WWOX: variants seen among roughly 807,000 people sequenced by gnomAD.
WWOX encodes the protein WW domain-containing oxidoreductase.
A neutral mutation model predicts 46.2 loss-of-function variants in WWOX; 69 were observed. The observed-to-expected ratio is 1.49, with a 90% CI of 1.23 to 1.82. WWOX has a LOEUF of 1.82. Ranked by LOEUF, WWOX falls within the 40% of genes most tolerant of loss-of-function variation. The pLI, the probability that WWOX is intolerant of heterozygous loss-of-function variation, is 0.00. For missense variants in WWOX, 919 were observed against 542.6 expected, an observed-to-expected ratio of 1.69 and a Z score of -6.89; for synonymous variants, 359 against 202.6, an observed-to-expected ratio of 1.77 and a Z score of -6.56.
At chr16:78,493,303 C>A (rs1567604654) in intron 8 of WWOX, among the ~76,000 whole-genome samples, 1 of 152,110 alleles carries the variant, frequency 6.6e-6, no homozygotes, top group Non-Finnish European at 1.5e-5. Context: ...AGACAGGTGG[C>A]TAGCATTATT....
chr16:78,555,481 G>GACT (rs1433200348), intron 8 of WWOX, among the ~76,000 whole-genome samples: 3 of 151,778 alleles, frequency 2.0e-5, no homozygotes, highest in Non-Finnish European at 4.4e-5. Flanking sequence ...GTATTCTTCT[G>GACT]ACTAATGGGG....
chr16:78,384,487 C>T (rs2082020422), intron 5 of WWOX, among the ~76,000 whole-genome samples: 1 of 152,162 alleles, frequency 6.6e-6, no homozygotes, highest in Admixed American at 6.5e-5. Context: ...GAGGGTTCTG[C>T]TCCTCATCTG....
At chr16:79,012,709 C>T (rs1031941783) in intron 8 of WWOX, among the ~76,000 whole-genome samples, 2 of 152,172 alleles carry the variant, frequency 1.3e-5, no homozygotes, top group Non-Finnish European at 2.9e-5. Context: ...GCTGGAAGTT[C>T]CACAAAGCAG....
At chr16:78,839,643 A>T (rs1444859170) in intron 8 of WWOX, among the ~76,000 whole-genome samples, 1 of 152,038 alleles carries the variant, frequency 6.6e-6, no homozygotes, top group Non-Finnish European at 1.5e-5. Context: ...CCAGGTTCTC[A>T]CTGTTATGGA....
chr16:78,425,189 T>A, intron 7 of WWOX, 134 bp downstream of exon 7: 2 of 1,219,956 alleles, frequency 1.6e-6, no homozygotes, highest in Non-Finnish European at 1.2e-6. Context: ...TTGGCTCACT[T>A]AATTTTTCCA....
chr16:79,163,839 G>C (rs2150754932), intron 8 of WWOX, among the ~76,000 whole-genome samples: 1 of 142,580 alleles, frequency 7.0e-6, no homozygotes, highest in South Asian at 2.4e-4. Context: ...TAAGGTCAGA[G>C]GGGGAAAAGA....
rs1310289043 is a variant in WWOX at position 78,559,055 on chromosome 16, G to C, written c.1056+126303G>C. Reference sequence around the variant, plus strand: ...CACAAGATCTGGCCGCTACGTGGAAGGACACATAGTTCCGTCTGGCTTGGA... The same window carrying C: ...CACAAGATCTGGCCGCTACGTGGAACGACACATAGTTCCGTCTGGCTTGGA... On this transcript the variant is annotated intron_variant, in intron 8 of 8. Coordinates refer to ENST00000566780, the MANE Select transcript of WWOX (RefSeq NM_016373.4). 7.2e-5 allele frequency among the ~76,000 whole-genome samples: 11 copies of C among 152,330 alleles called. No individual in the cohort carries two copies. In the East Asian group the frequency reaches 2.1e-3, roughly 29 times the overall value.
At chr16:78,796,218 A>C (rs988570297) in intron 8 of WWOX, among the ~76,000 whole-genome samples, 2 of 152,168 alleles carry the variant, frequency 1.3e-5, no homozygotes, top group African/African-American at 2.4e-5. Flanking sequence ...CTGAAGTAAC[A>C]ATTAGTATAG....
rs191001943 is a variant in WWOX at position 78,567,222 on chromosome 16, T to C, written c.1056+134470T>C. ...GACGCTTTCCCAAAGCTGAGCTGCC[T>C]GCCAGGGTCTTTGCTCTTCCACTGC... On this transcript the variant is annotated intron_variant, in intron 8 of 8. Transcript: ENST00000566780. 6.5e-3 allele frequency among the ~76,000 whole-genome samples: 984 copies of C among 152,282 alleles called. 5 individuals carry two copies. Among genetic ancestry groups the C allele is most frequent in the Non-Finnish European group, 9.5e-3 (649 of 68,010 alleles).
intron 8 of WWOX, among the ~76,000 whole-genome samples, chr16:78,519,622 A>C (rs1398820790): frequency 6.6e-6 from 1 of 152,120 alleles, no homozygotes; most frequent in Non-Finnish European, 1.5e-5. Context: ...TCGTGACGGT[A>C]CTACAAAGCA....
chr16:78,507,421 T>C (rs1042929130), intron 8 of WWOX, among the ~76,000 whole-genome samples: 2 of 152,208 alleles, frequency 1.3e-5, no homozygotes, highest in Non-Finnish European at 2.9e-5. Flanking sequence ...TATTCTAGTT[T>C]ATATCTCAGT....
chr16:78,740,596 C>T lies in WWOX; in HGVS notation c.1056+307844C>T, dbSNP rs142698866. On this transcript the variant is annotated intron_variant, in intron 8 of 8. Transcript: ENST00000566780. ...GTGCAGAGAGCACTCGTCTTTCAGGCATGGGGCGCCGTTTCATTTCTCCTA... is the reference window on the plus strand; with the variant it reads ...GTGCAGAGAGCACTCGTCTTTCAGGTATGGGGCGCCGTTTCATTTCTCCTA... Among the ~76,000 whole-genome samples the T allele has an allele frequency of 3.2e-3, 494 of 152,298 alleles. 2 individuals carry two copies. Among genetic ancestry groups the T allele is most frequent in the Admixed American group, 5.4e-3 (83 of 15,300 alleles).
intron 8 of WWOX, among the ~76,000 whole-genome samples, chr16:78,434,283 G>A (rs1461533447): frequency 6.6e-6 from 1 of 152,140 alleles, no homozygotes; most frequent in African/African-American, 2.4e-5. Flanking sequence ...GCCGCAGGGT[G>A]GGATTGATCT....
chr16:78,244,139 C>T (rs1432182218), intron 5 of WWOX, among the ~76,000 whole-genome samples: 1 of 152,118 alleles, frequency 6.6e-6, no homozygotes, highest in Non-Finnish European at 1.5e-5. Flanking sequence ...GTGGGTAGGT[C>T]CCTTGATACC....
At chr16:79,189,120 A>G (rs1418598382) in intron 8 of WWOX, among the ~76,000 whole-genome samples, 1 of 152,184 alleles carries the variant, frequency 6.6e-6, no homozygotes, top group Non-Finnish European at 1.5e-5. Context: ...ACCTAGGGAG[A>G]GAGATGGTAT....
At chr16:78,803,989 T>C (rs372229741) in intron 8 of WWOX, among the ~76,000 whole-genome samples, 10 of 152,154 alleles carry the variant, frequency 6.6e-5, no homozygotes, top group Admixed American at 5.9e-4. Flanking sequence ...TCTTAGCTGA[T>C]TGATGATGAG....
chr16:78,273,836 A>G (rs1216031809), intron 5 of WWOX, among the ~76,000 whole-genome samples: 2 of 152,216 alleles, frequency 1.3e-5, no homozygotes, highest in Non-Finnish European at 2.9e-5. Flanking sequence ...CCATCGCTGA[A>G]GATAGGAGGA....
intron 8 of WWOX, among the ~76,000 whole-genome samples, chr16:79,211,056 T>C (rs944774346): frequency 1.5e-4 from 23 of 150,314 alleles, no homozygotes; most frequent in East Asian, 2.0e-4. Flanking sequence ...TGTGTGTGTG[T>C]GCATTAAATG....
intron 8 of WWOX, among the ~76,000 whole-genome samples, chr16:78,976,740 C>G (rs1305035454): frequency 6.6e-6 from 1 of 152,316 alleles, no homozygotes; most frequent in East Asian, 1.9e-4. Flanking sequence ...ATCTTCCCCA[C>G]TCTAGGTCTT....
Sources: allele counts gnomAD v4.1 joint callset (sites outside exome capture counted in the v4.1 genomes callset), GRCh38; gene constraint gnomAD v4.1.1; transcripts MANE v1.5; gene names NCBI Gene and HGNC (gene_info 2026-07-23, HGNC 2026-07-21).